The following FRMD3 variants were observed in gnomAD, a reference collection of about 807,000 sequenced individuals.
FRMD3 encodes the protein FERM domain containing 3.
A neutral mutation model predicts 70.2 loss-of-function variants in FRMD3; 33 were observed. The ratio of observed to expected loss-of-function variants is 0.47; its 90% CI spans 0.36 to 0.63. The LOEUF is 0.63. Among genes scored for constraint, FRMD3 ranks in the 20% least tolerant of loss-of-function variants. The probability of loss-of-function intolerance (pLI) is 0.00; values close to 1 mark genes in which losing one functional copy is unlikely to be tolerated. For missense variants in FRMD3, 632 were observed against 711.4 expected (o/e 0.89, Z 1.27); for synonymous variants, 279 against 255.9 (o/e 1.09, Z -0.86).
At chr9:83,559,324 C>T in the FRMD3 span, among the ~76,000 whole-genome samples, 350 of 152,306 alleles carry the variant, frequency 2.3e-3, 2 homozygotes, top group African/African-American at 8.2e-3. Context: ...TAATCATTAG[C>T]ATTTTTTAGC....
chr9:83,370,891 C>T (rs1447647619), intron 3 of FRMD3, among the ~76,000 whole-genome samples: 1 of 152,114 alleles, frequency 6.6e-6, no homozygotes, highest in East Asian at 1.9e-4. Flanking sequence ...AGCCTGGTGA[C>T]AGAATGAGAC....
chr9:83,459,395 C>T (rs1827907346), intron 1 of FRMD3, among the ~76,000 whole-genome samples: 1 of 152,212 alleles, frequency 6.6e-6, no homozygotes, highest in Non-Finnish European at 1.5e-5. Context: ...ATGCTCTCAG[C>T]CTCACCCCTA....
intron 1 of FRMD3, among the ~76,000 whole-genome samples, chr9:83,468,241 C>T (rs921189125): frequency 5.9e-5 from 9 of 152,166 alleles, no homozygotes; most frequent in Non-Finnish European, 1.5e-5. Flanking sequence ...GAAACCATTC[C>T]TTTCTTACAA....
At chr9:83,379,851 C>CTA (rs1360080417) in intron 2 of FRMD3, among the ~76,000 whole-genome samples, 1 of 152,182 alleles carries the variant, frequency 6.6e-6, no homozygotes, top group African/African-American at 2.4e-5. Context: ...TGGCACAACT[C>CTA]TAAGGCATGG....
chr9:83,556,215 A>G, the FRMD3 span, among the ~76,000 whole-genome samples: 1 of 152,200 alleles, frequency 6.6e-6, no homozygotes, highest in Non-Finnish European at 1.5e-5. Context: ...AAAAAAACAA[A>G]GAAAAATGGT....
At chr9:83,538,988 T>C (rs573271998), upstream of FRMD3, among the ~76,000 whole-genome samples, 21 of 152,238 alleles carry the variant, frequency 1.4e-4, no homozygotes, top group Non-Finnish European at 2.6e-4. This position sits in a 1 kb window ranked among gnomAD's most constrained non-coding sequence, Gnocchi z 4.7. Flanking sequence ...CATTGTTTTA[T>C]TTAATGCTAG....
chr9:83,323,180 T>C (rs75696219), intron 6 of FRMD3, among the ~76,000 whole-genome samples: 88 of 152,332 alleles, frequency 5.8e-4, no homozygotes, highest in African/African-American at 2.0e-3. Flanking sequence ...CTCATAGTTA[T>C]ATACACAACA....
At chr9:83,307,634 G>A (rs999520677) in intron 10 of FRMD3, among the ~76,000 whole-genome samples, 2 of 152,252 alleles carry the variant, frequency 1.3e-5, no homozygotes, top group East Asian at 1.9e-4. Flanking sequence ...ATTAGTGGTT[G>A]CCAGAGATTG....
At chr9:83,254,209 A>G (rs1469449569) in intron 13 of FRMD3, among the ~76,000 whole-genome samples, 1 of 152,136 alleles carries the variant, frequency 6.6e-6, no homozygotes. Flanking sequence ...GCACATGTAT[A>G]CATATGTAAC....
intron 1 of FRMD3, among the ~76,000 whole-genome samples, chr9:83,441,438 G>A (rs983105821): frequency 7.9e-5 from 12 of 152,040 alleles, no homozygotes; most frequent in Admixed American, 2.0e-4. Context: ...GGATCTAAAT[G>A]ATGCCTCCAT....
At chr9:83,355,700 ACTC>A (rs1824312596) in intron 3 of FRMD3, among the ~76,000 whole-genome samples, 2 of 152,042 alleles carry the variant, frequency 1.3e-5, no homozygotes, top group South Asian at 4.2e-4. Flanking sequence ...TGAGATAAAC[ACTC>A]CTACCAGAAG....
At chr9:83,416,400 C>A (rs2131348597) in intron 1 of FRMD3, among the ~76,000 whole-genome samples, 1 of 152,310 alleles carries the variant, frequency 6.6e-6, no homozygotes, top group East Asian at 1.9e-4. Context: ...AAATCAAAAC[C>A]AAGCTGTTCT....
At chr9:83,273,116 C>G (rs1833664435) in intron 13 of FRMD3, among the ~76,000 whole-genome samples, 2 of 152,170 alleles carry the variant, frequency 1.3e-5, no homozygotes, top group Non-Finnish European at 2.9e-5. Context: ...CCGGCTGCCA[C>G]CCCATCTGGG....
At chr9:83,351,256 T>G (rs1824145316) in intron 3 of FRMD3, among the ~76,000 whole-genome samples, 1 of 150,764 alleles carries the variant, frequency 6.6e-6, no homozygotes, top group Non-Finnish European at 1.5e-5. Context: ...AAGGATTTGA[T>G]AGCATCTAAA....
chr9:83,580,956 A>C, the FRMD3 span, among the ~76,000 whole-genome samples: 4 of 152,150 alleles, frequency 2.6e-5, no homozygotes, highest in African/African-American at 9.6e-5. Context: ...AGCATAATGG[A>C]AAATAAAAGT....
At chr9:83,372,071 A>G (rs545403027) in intron 3 of FRMD3, among the ~76,000 whole-genome samples, 1 of 152,358 alleles carries the variant, frequency 6.6e-6, no homozygotes, top group African/African-American at 2.4e-5. Context: ...CTCTGACGAG[A>G]AACTGATTCA....
At chr9:83,553,653 T>G in the FRMD3 span, among the ~76,000 whole-genome samples, 4 of 152,352 alleles carry the variant, frequency 2.6e-5, no homozygotes, top group South Asian at 8.3e-4. Context: ...TTTATTCTGC[T>G]GCTAATACTT....
intron 6 of FRMD3, among the ~76,000 whole-genome samples, chr9:83,320,135 G>C (rs924214817): frequency 2.0e-5 from 3 of 152,030 alleles, no homozygotes; most frequent in Non-Finnish European, 4.4e-5. Context: ...TTTCCAACTT[G>C]GATGTCTTTT....
chr9:83,253,535 C>G (rs935089174), intron 13 of FRMD3, among the ~76,000 whole-genome samples: 1 of 152,136 alleles, frequency 6.6e-6, no homozygotes, highest in Non-Finnish European at 1.5e-5. Context: ...CACTGGCCAT[C>G]AGAGAAATGC....
Sources: gnomAD v4.1 joint callset for allele counts (sites outside exome capture counted in the v4.1 genomes callset) on GRCh38, gnomAD v4.1.1 for gene constraint, Gnocchi (gnomAD v3.1) non-coding constraint, MANE v1.5 for transcripts, NCBI Gene and HGNC (gene_info 2026-07-23, HGNC 2026-07-21) for gene names.